Variants in WIPF2 observed in about 807,000 individuals in gnomAD.
The protein encoded by WIPF2 is WAS/WASL interacting protein family member 2, also known as WAS/WASL-interacting protein family member 2.
A neutral mutation model predicts 38.8 loss-of-function variants in WIPF2; 23 were observed. The observed-to-expected ratio is 0.59, with a 90% CI of 0.43 to 0.84. The LOEUF is 0.84. WIPF2 is among the 40% of genes least tolerant of loss of function. WIPF2 has a pLI of 0.00. For missense variants in WIPF2, 574 were observed against 580.5 expected (o/e 0.99, Z 0.11); for synonymous variants, 210 against 223.2 (o/e 0.94, Z 0.53).
At chr17:40,239,643 C>T (rs1259259989) in intron 1 of WIPF2, among the ~76,000 whole-genome samples, 1 of 151,260 alleles carries the variant, frequency 6.6e-6, no homozygotes, top group African/African-American at 2.4e-5. Context: ...ATTTCCGTCA[C>T]TGCCCTTAGC....
chr17:40,237,802 C>A (rs1459453991), intron 1 of WIPF2, among the ~76,000 whole-genome samples: 1 of 149,346 alleles, frequency 6.7e-6, no homozygotes, highest in Admixed American at 6.7e-5. Context: ...CACACCACCA[C>A]GCCCAGCTAA....
chr17:40,240,162 A>G (rs2031137011), intron 1 of WIPF2, among the ~76,000 whole-genome samples: 1 of 151,922 alleles, frequency 6.6e-6, no homozygotes, highest in Non-Finnish European at 1.5e-5. Flanking sequence ...CCCAGGTTCA[A>G]GCAATTCTGC....
rs58758484 is a variant in WIPF2, at chr17:40,222,654, GTTTTTTTTTTTTT to G, written c.-70+3183_-70+3195del. ...CTGGTTTTGATTTGATGCATATTCA[GTTTTTTTTTTTTT>G]TTTTTTTTTTTTTTTTTTTTGAGAC... On this transcript the variant is annotated intron_variant, in intron 1 of 7. Coordinates refer to ENST00000323571, the MANE Select transcript of WIPF2 (RefSeq NM_133264.5). Among the ~76,000 whole-genome samples, 121 of 52,846 alleles carry G rather than the reference GTTTTTTTTTTTTT, an allele frequency of 2.3e-3. 3 individuals carry two copies. Among genetic ancestry groups the G allele is most frequent in the East Asian group, 0.022 (27 of 1,254 alleles). 34.7% of individuals were successfully genotyped at this position (52,846 alleles called of 152,430 possible).
intron 5 of WIPF2, among the ~76,000 whole-genome samples, chr17:40,269,365 G>A (rs796912149): frequency 2.5e-4 from 38 of 151,034 alleles, no homozygotes; most frequent in African/African-American, 9.0e-4. Flanking sequence ...AAGAAACCTA[G>A]CCAGGCGTGG....
At chr17:40,244,468 T>G (rs767150133) in intron 1 of WIPF2, among the ~76,000 whole-genome samples, 1 of 152,198 alleles carries the variant, frequency 6.6e-6, no homozygotes, top group Non-Finnish European at 1.5e-5. Flanking sequence ...GTGGGCAGAT[T>G]ACCAACAGGT....
At chr17:40,263,399 G>A (rs907550563) in intron 4 of WIPF2, among the ~76,000 whole-genome samples, 10 of 152,114 alleles carry the variant, frequency 6.6e-5, no homozygotes, top group African/African-American at 9.7e-5. Flanking sequence ...ATGCTTGCTC[G>A]CTCACCTTCT....
intron 1 of WIPF2, among the ~76,000 whole-genome samples, chr17:40,247,563 C>G (rs2145337320): frequency 6.6e-6 from 1 of 151,836 alleles, no homozygotes; most frequent in Non-Finnish European, 1.5e-5. Context: ...ACTCCTTCAC[C>G]CAGGCTGGAG....
intron 3 of WIPF2, among the ~76,000 whole-genome samples, chr17:40,261,480 G>T (rs1018362395): frequency 6.6e-6 from 1 of 150,480 alleles, no homozygotes; most frequent in African/African-American, 2.4e-5. Flanking sequence ...TGTATTTTTA[G>T]TAGAGACGGG....
rs2032564820 is a variant in WIPF2 at position 40,282,219 on chromosome 17, C to T, written c.*3994C>T. On this transcript the variant is annotated 3_prime_UTR_variant, in exon 8 of 8. Transcript: ENST00000323571. ...TACTTGCATTAGATTTCTGTGCTTT[C>T]TTCCTTTCCCTCTTTGAAGCAATTA... 6.7e-6 allele frequency: 1 copy of T among 148,448 alleles called. No homozygotes were observed. The highest frequency in any genetic ancestry group is 1.5e-5 in the Non-Finnish European group (1 of 67,418). The allele number at this position is 148,448 out of a possible 1,614,324, so 9.2% of individuals were successfully genotyped here. A position where few individuals can be genotyped will look rare whatever the true frequency, so the allele number is the denominator to read the frequency against.
intron 6 of WIPF2, among the ~76,000 whole-genome samples, chr17:40,276,520 C>CAA (rs1160459322): frequency 0.084 from 5,849 of 69,734 alleles, 644 homozygotes; most frequent in Middle Eastern, 0.11. Context: ...GACTCCGTCT[C>CAA]AAAAAAAAAA....
chr17:40,219,321 TG>T lies in WIPF2; in HGVS notation c.-237del. The T allele has an allele frequency of 3.3e-6, 1 of 303,946 alleles. No homozygotes were observed. Among genetic ancestry groups the T allele is most frequent in the Non-Finnish European group, 6.3e-6 (1 of 158,334 alleles). The allele number at this position is 303,946 out of a possible 1,614,324, so 18.8% of individuals were successfully genotyped here. On this transcript the variant is annotated 5_prime_UTR_variant, in exon 1 of 8. Transcript: ENST00000323571. ...CCGCCTCCATTTTGTTCGCGGACGCTGGGGACGGTGGGAGCAGATCCATTTC... is the reference window on the plus strand; with the variant it reads ...CCGCCTCCATTTTGTTCGCGGACGCTGGGACGGTGGGAGCAGATCCATTTC...
intron 1 of WIPF2, among the ~76,000 whole-genome samples, chr17:40,220,998 G>A (rs891879670): frequency 6.6e-6 from 1 of 151,790 alleles, no homozygotes; most frequent in Non-Finnish European, 1.5e-5. Flanking sequence ...CAGGATGGAT[G>A]GTCTGGATCT....
Position 40,235,864 on chromosome 17 carries a change from G to A in WIPF2, c.-70+16372G>A, listed in dbSNP as rs151152898. 1.5e-3 allele frequency among the ~76,000 whole-genome samples: 218 copies of A among 145,184 alleles called. 2 individuals carry two copies. Among genetic ancestry groups the A allele is most frequent in the African/African-American group, 5.2e-3 (203 of 39,230 alleles). On this transcript the variant is annotated intron_variant, in intron 1 of 7. Transcript: ENST00000323571. The stretch of plus-strand genomic sequence containing the variant: ...GCTGGGATTACAGGCATGAGCCACC[G>A]CGCCTGGCCTCTGGAGAGTGGGACT...
At chr17:40,229,403 G>A (rs867269720) in intron 1 of WIPF2, among the ~76,000 whole-genome samples, 1 of 151,634 alleles carries the variant, frequency 6.6e-6, no homozygotes, top group Admixed American at 6.6e-5. Flanking sequence ...CGCCGCACCT[G>A]GCCAAAGACA....
At chr17:40,222,751 A>G (rs1420546964) in intron 1 of WIPF2, among the ~76,000 whole-genome samples, 4 of 122,618 alleles carry the variant, frequency 3.3e-5, no homozygotes, top group African/African-American at 1.3e-4. Context: ...GCTCACTGCA[A>G]CCTCCGCCTG....
chr17:40,221,007 C>T (rs2030211742), intron 1 of WIPF2, among the ~76,000 whole-genome samples: 1 of 151,894 alleles, frequency 6.6e-6, no homozygotes, highest in Admixed American at 6.6e-5. Flanking sequence ...TGGTCTGGAT[C>T]TCCTGACCTC....
intron 1 of WIPF2, among the ~76,000 whole-genome samples, chr17:40,237,938 C>T (rs1212434340): frequency 6.8e-6 from 1 of 147,426 alleles, no homozygotes; most frequent in African/African-American, 2.5e-5. Flanking sequence ...TGGTGACGTG[C>T]GCCTGTAATC....
In WIPF2 at chr17:40,277,198, T is replaced by C; in HGVS notation, c.1282+14T>C. 1 of 1,579,282 alleles carries C rather than the reference T, an allele frequency of 6.3e-7. No homozygotes were observed. The highest frequency in any genetic ancestry group is 8.6e-7 in the Non-Finnish European group (1 of 1,158,308). On this transcript the variant is annotated intron_variant, in intron 7 of 7. Transcript: ENST00000323571. ...AAACAAACCGAGGTGAGAATAATAA[T>C]AAGAAGGTTTTTCCATAATTGCATA...
At position 40,256,381 on chromosome 17, in the gene WIPF2, TCA is replaced by T; in HGVS notation, c.-69-9_-69-8del. 1 of 1,558,242 alleles carries T rather than the reference TCA, an allele frequency of 6.4e-7. No individual in the cohort carries two copies. The highest frequency in any genetic ancestry group is 2.3e-5 in the Admixed American group (1 of 43,960). On this transcript the variant is annotated splice_polypyrimidine_tract_variant and splice_region_variant and intron_variant, in intron 1 of 7. Coordinates refer to ENST00000323571, the MANE Select transcript of WIPF2 (RefSeq NM_133264.5). ...AAGCTGTTCTTAATGAGTTTCTTTT[TCA>T]TTTGCAGGTATATGAATGACCTAAA...
Sources: gnomAD v4.1 joint callset for allele counts (sites outside exome capture counted in the v4.1 genomes callset) on GRCh38, gnomAD v4.1.1 for gene constraint, MANE v1.5 for transcripts, NCBI Gene and HGNC (gene_info 2026-07-23, HGNC 2026-07-21) for gene names.